Variants in CCDC91 observed in about 807,000 individuals in gnomAD.
CCDC91 encodes coiled-coil domain-containing protein 91.
In CCDC91, 48 loss-of-function variants were observed where a neutral mutation model predicts 63.2. The ratio of observed to expected loss-of-function variants is 0.76; its 90% CI spans 0.60 to 0.97. The LOEUF (loss-of-function observed/expected upper bound fraction) is 0.97. Among genes scored for constraint, CCDC91 ranks in the 50% least tolerant of loss-of-function variants. The probability of loss-of-function intolerance (pLI) is 0.00; values close to 1 mark genes in which losing one functional copy is unlikely to be tolerated. For synonymous variants in CCDC91, 167 were observed against 165.8 expected, an observed-to-expected ratio of 1.01 and a Z score of -0.06; for missense variants, 500 against 494.6, an observed-to-expected ratio of 1.01 and a Z score of -0.10.
intron 6 of CCDC91, among the ~76,000 whole-genome samples, chr12:28,349,550 T>A (rs1161541443): frequency 6.6e-6 from 1 of 152,202 alleles, no homozygotes; most frequent in East Asian, 1.9e-4. Flanking sequence ...ATTTCTTAGT[T>A]TTTGAGTAAG....
At chr12:28,394,431 A>C (rs1483432206) in intron 8 of CCDC91, among the ~76,000 whole-genome samples, 1 of 151,992 alleles carries the variant, frequency 6.6e-6, no homozygotes, top group African/African-American at 2.4e-5. Context: ...ATGCCACTGC[A>C]CTCCAGCCTG....
intron 3 of CCDC91, among the ~76,000 whole-genome samples, chr12:28,272,360 G>A (rs533051827): frequency 2.0e-5 from 3 of 148,872 alleles, no homozygotes; most frequent in South Asian, 4.2e-4. Context: ...TACCAATGTT[G>A]TTGTTGCTCC....
At chr12:28,195,272 G>T (rs1941670126) in intron 1 of CCDC91, among the ~76,000 whole-genome samples, 3 of 152,118 alleles carry the variant, frequency 2.0e-5, no homozygotes, top group Admixed American at 1.3e-4. Context: ...ACACAGAAAA[G>T]TTCTCCAAGT....
In CCDC91 at chr12:28,452,631, C is replaced by G. The variant is rs1337774663; in HGVS notation, c.1078C>G (p.Gln360Glu). The change falls in exon 11 of 13, where the codon CAA (glutamine) becomes GAA (glutamate). Residue 360 changes from glutamine (Q) to glutamate (E), a missense_variant. Physicochemically the swap from Gln to Glu is conservative, Grantham distance 29. Coordinates refer to ENST00000536442, the MANE Select transcript of CCDC91 (RefSeq NM_018318.5). Reference sequence around the variant, plus strand: ...ATCTCAGGAAATTCAAAAAGCTATACAAGAACAAAGAAAAATAAGTCAGGT... The same window carrying G: ...ATCTCAGGAAATTCAAAAAGCTATAGAAGAACAAAGAAAAATAAGTCAGGT... ...KVSQEIQKAI[Q>E]EQRKISQETV... The G allele has an allele frequency of 1.3e-6, 2 of 1,544,350 alleles. No individual in the cohort carries two copies. Among genetic ancestry groups the G allele is most frequent in the African/African-American group, 2.8e-5 (2 of 71,316 alleles).
chr12:28,253,609 T>G (rs1325486670), intron 1 of CCDC91, among the ~76,000 whole-genome samples: 5 of 152,242 alleles, frequency 3.3e-5, no homozygotes, highest in Non-Finnish European at 7.3e-5. Flanking sequence ...TTCTCATTTT[T>G]CCAGTGACTC....
Position 28,433,608 on chromosome 12 carries a change from C to A in CCDC91, c.763-16553C>A, listed in dbSNP as rs1294136009. ...AGTATCATAGTTTTGATTACTATAGCTTTATAGTAAGTACTGAAGCCAGGT... is the reference window on the plus strand; with the variant it reads ...AGTATCATAGTTTTGATTACTATAGATTTATAGTAAGTACTGAAGCCAGGT... On this transcript the variant is annotated intron_variant, in intron 8 of 12. Coordinates refer to ENST00000536442, the MANE Select transcript of CCDC91 (RefSeq NM_018318.5). Among the ~76,000 whole-genome samples, 4 of 151,886 alleles carry A rather than the reference C, an allele frequency of 2.6e-5. No individual in the cohort carries two copies. The East Asian group carries it at 7.7e-4, about 29-fold the overall frequency.
At chr12:28,288,968 A>G (rs1185742043) in intron 3 of CCDC91, among the ~76,000 whole-genome samples, 7 of 152,128 alleles carry the variant, frequency 4.6e-5, no homozygotes, top group Non-Finnish European at 1.5e-5. Context: ...GTTTGCATGC[A>G]TGGAGGTGTT....
At chr12:28,344,095 AAAAT>A (rs1382628760) in intron 6 of CCDC91, among the ~76,000 whole-genome samples, 4 of 152,218 alleles carry the variant, frequency 2.6e-5, no homozygotes, top group African/African-American at 7.2e-5. Context: ...AAAAGGAAAA[AAAAT>A]AGTGCAGTGT....
chr12:28,382,521 ACT>A (rs1945357568), intron 7 of CCDC91, among the ~76,000 whole-genome samples: 2 of 152,060 alleles, frequency 1.3e-5, no homozygotes, highest in African/African-American at 2.4e-5. Flanking sequence ...GAGAGAAGAA[ACT>A]CTTCTTCTCC....
intron 1 of CCDC91, among the ~76,000 whole-genome samples, chr12:28,233,962 G>A (rs544358979): frequency 6.6e-6 from 1 of 152,094 alleles, no homozygotes; most frequent in African/African-American, 2.4e-5. Flanking sequence ...ATTTTAAAGT[G>A]TACAGTTCAG....
intron 1 of CCDC91, among the ~76,000 whole-genome samples, chr12:28,254,183 TAG>T (rs1185175604): frequency 6.6e-6 from 1 of 152,212 alleles, no homozygotes; most frequent in Admixed American, 6.5e-5. Flanking sequence ...AGATTAAATT[TAG>T]ATATAAAGAA....
chr12:28,331,131 A>C (rs1220160618), intron 6 of CCDC91, among the ~76,000 whole-genome samples: 1 of 152,230 alleles, frequency 6.6e-6, no homozygotes, highest in Non-Finnish European at 1.5e-5. Context: ...TAAAAAGATT[A>C]GGAAATATTC....
chr12:28,352,448 T>C (rs1943245241), intron 6 of CCDC91, among the ~76,000 whole-genome samples: 2 of 152,210 alleles, frequency 1.3e-5, no homozygotes, highest in African/African-American at 4.8e-5. Context: ...ACTTTGTTAA[T>C]TAAGTTTGTG....
intron 12 of CCDC91, among the ~76,000 whole-genome samples, chr12:28,506,229 A>G (rs1938694247): frequency 1.3e-5 from 2 of 152,014 alleles, no homozygotes. Flanking sequence ...GCTGTATACC[A>G]GACTTGGTAA....
At chr12:28,267,897 TATAATTA>T (rs1947420302) in intron 3 of CCDC91, among the ~76,000 whole-genome samples, 3 of 84,396 alleles carry the variant, frequency 3.6e-5, no homozygotes, top group South Asian at 3.0e-4. Flanking sequence ...TATAATTATA[TATAATTA>T]TATTATATAT....
intron 6 of CCDC91, among the ~76,000 whole-genome samples, chr12:28,324,899 T>C: frequency 6.6e-6 from 1 of 151,848 alleles, no homozygotes; most frequent in African/African-American, 2.4e-5. Flanking sequence ...ATTCTCAGTA[T>C]TTAGCACAGA....
intron 11 of CCDC91, among the ~76,000 whole-genome samples, chr12:28,477,108 C>A (rs1951141540): frequency 6.6e-6 from 1 of 152,150 alleles, no homozygotes; most frequent in African/African-American, 2.4e-5. Context: ...GGAATCCTGC[C>A]TAACTCATTT....
At chr12:28,447,508 C>T (rs570337359) in intron 8 of CCDC91, among the ~76,000 whole-genome samples, 4 of 150,926 alleles carry the variant, frequency 2.7e-5, no homozygotes. Context: ...TTTGAATAGC[C>T]TCTTGTGAAT....
chr12:28,493,325 A>G (rs1952111171), intron 12 of CCDC91, among the ~76,000 whole-genome samples: 1 of 151,646 alleles, frequency 6.6e-6, no homozygotes, highest in Non-Finnish European at 1.5e-5. Context: ...TTTACACATT[A>G]TTTTTCATAT....
Sources: allele counts gnomAD v4.1 joint callset (sites outside exome capture counted in the v4.1 genomes callset), GRCh38; gene constraint gnomAD v4.1.1; transcripts MANE v1.5; gene names NCBI Gene and HGNC (gene_info 2026-07-23, HGNC 2026-07-21).